LRBA: variants seen among roughly 807,000 people sequenced by gnomAD.
LRBA encodes the protein LPS responsive beige-like anchor protein.
In LRBA, 176 loss-of-function variants were observed where a neutral mutation model predicts 330.0. The observed-to-expected ratio is 0.53, with a 90% confidence interval of 0.47 to 0.60. The LOEUF is 0.60. Among genes scored for constraint, LRBA ranks in the 20% least tolerant of loss-of-function variants. The pLI is 0.00. For synonymous variants in LRBA, 1,230 were observed against 1,193.0 expected (o/e 1.03, Z -0.64); for missense variants, 3,259 against 3,444.8 (o/e 0.95, Z 1.35).
intron 29 of LRBA, among the ~76,000 whole-genome samples, chr4:150,829,999 C>T (rs556761792): frequency 6.6e-6 from 1 of 152,264 alleles, no homozygotes; most frequent in East Asian, 1.9e-4. Flanking sequence ...TTTTCTACCA[C>T]TAAAACATAT....
chr4:150,791,270 A>G (rs754359724), intron 34 of LRBA, among the ~76,000 whole-genome samples: 2 of 152,138 alleles, frequency 1.3e-5, no homozygotes, highest in Non-Finnish European at 2.9e-5. Flanking sequence ...TATTATTATC[A>G]CAAGGTACTC....
At chr4:150,950,146 C>A (rs750530162) in intron 2 of LRBA, among the ~76,000 whole-genome samples, 2 of 152,094 alleles carry the variant, frequency 1.3e-5, no homozygotes, top group Admixed American at 1.3e-4. Context: ...ACAGTAAATT[C>A]TGTCATGTTC....
chr4:150,694,913 C>CTT (rs902076458), intron 36 of LRBA, among the ~76,000 whole-genome samples: 3 of 150,866 alleles, frequency 2.0e-5, no homozygotes, highest in African/African-American at 7.3e-5. Context: ...GTTTCAAATG[C>CTT]TTTTTTTTTC....
At chr4:150,417,593 C>T (rs1050276772) in intron 46 of LRBA, among the ~76,000 whole-genome samples, 2 of 152,134 alleles carry the variant, frequency 1.3e-5, no homozygotes, top group Non-Finnish European at 2.9e-5. Flanking sequence ...AAGATAGTGT[C>T]CTTCTTTTGC....
chr4:150,895,012 A>C (rs1729908719), intron 16 of LRBA, among the ~76,000 whole-genome samples: 1 of 152,174 alleles, frequency 6.6e-6, no homozygotes, highest in African/African-American at 2.4e-5. Context: ...AAAGAGATCC[A>C]ATCATTATCC....
At chr4:150,453,463 C>A (rs907556231) in intron 44 of LRBA, among the ~76,000 whole-genome samples, 3 of 152,018 alleles carry the variant, frequency 2.0e-5, no homozygotes, top group African/African-American at 7.2e-5. Context: ...CTTCTACACA[C>A]AAAAAAATGA....
At chr4:150,967,831 G>C (rs1334834622) in intron 2 of LRBA, among the ~76,000 whole-genome samples, 1 of 152,086 alleles carries the variant, frequency 6.6e-6, no homozygotes, top group East Asian at 1.9e-4. Flanking sequence ...ATATAAGATA[G>C]TGAACTTAAT....
chr4:150,881,467 G>T (rs1268810943), intron 17 of LRBA, among the ~76,000 whole-genome samples: 1 of 152,002 alleles, frequency 6.6e-6, no homozygotes, highest in Non-Finnish European at 1.5e-5. Context: ...GCTAAATAAT[G>T]GGCACTCATA....
At chr4:150,807,077 T>G (rs972318333) in intron 32 of LRBA, among the ~76,000 whole-genome samples, 4 of 151,144 alleles carry the variant, frequency 2.6e-5, no homozygotes, top group African/African-American at 7.3e-5. Context: ...TATTCATGTA[T>G]ACATACACAG....
In LRBA at chr4:150,772,340, C is replaced by T. The variant is rs79038299; in HGVS notation, c.5581-10493G>A. Among the ~76,000 whole-genome samples the T allele has an allele frequency of 3.4e-3, 513 of 152,178 alleles. 3 individuals are homozygous for T. Among genetic ancestry groups the T allele is most frequent in the Non-Finnish European group, 4.8e-3 (326 of 68,008 alleles). On this transcript the variant is annotated intron_variant, in intron 34 of 56. Coordinates refer to ENST00000651943, the MANE Select transcript of LRBA (RefSeq NM_001364905.1). ...AGGACTCACCAAGAGACCATAGGTA[C>T]GGGCTGGCAAAGAGAAGGTAGTGTA...
At chr4:150,363,576 A>G (rs2151848045) in intron 47 of LRBA, among the ~76,000 whole-genome samples, 1 of 152,334 alleles carries the variant, frequency 6.6e-6, no homozygotes, top group African/African-American at 2.4e-5. Flanking sequence ...GGTACTATAT[A>G]CCATCTTTCT....
At chr4:150,866,809 A>G (rs576689333) in intron 22 of LRBA, among the ~76,000 whole-genome samples, 1 of 152,324 alleles carries the variant, frequency 6.6e-6, no homozygotes, top group Admixed American at 6.5e-5. Context: ...TCAAACAGTA[A>G]TAAGCACAAA....
At chr4:150,887,525 G>A (rs1729062993) in intron 17 of LRBA, among the ~76,000 whole-genome samples, 1 of 152,076 alleles carries the variant, frequency 6.6e-6, no homozygotes, top group South Asian at 2.1e-4. Context: ...TGTAATCCCA[G>A]CACTTTGGGA....
intron 53 of LRBA, among the ~76,000 whole-genome samples, chr4:150,298,278 C>CA (rs1729211312): frequency 6.6e-6 from 1 of 151,996 alleles, no homozygotes; most frequent in Admixed American, 6.6e-5. Context: ...CACACCTGGA[C>CA]ATGTTATGAT....
chr4:150,643,076 A>G (rs1410287759), intron 37 of LRBA, among the ~76,000 whole-genome samples: 3 of 151,888 alleles, frequency 2.0e-5, no homozygotes, highest in African/African-American at 7.2e-5. Context: ...CCCCTATTTT[A>G]TCCATTTCAA....
chr4:150,407,624 C>T (rs1746386223), intron 47 of LRBA, among the ~76,000 whole-genome samples: 1 of 152,140 alleles, frequency 6.6e-6, no homozygotes, highest in South Asian at 2.1e-4. Context: ...AGACCCAATG[C>T]TAGGTTGAAA....
At chr4:150,782,771 C>A (rs1738455210) in intron 34 of LRBA, among the ~76,000 whole-genome samples, 1 of 152,094 alleles carries the variant, frequency 6.6e-6, no homozygotes, top group African/African-American at 2.4e-5. Context: ...TGTTGGGGAG[C>A]CATGTCTCAG....
chr4:150,580,079 A>C, intron 40 of LRBA: 1 of 221,510 alleles, frequency 4.5e-6, no homozygotes, highest in Non-Finnish European at 9.1e-6. Flanking sequence ...ACAGGCGCGA[A>C]CTCCGAGGGC....
intron 54 of LRBA, among the ~76,000 whole-genome samples, chr4:150,283,155 CT>C (rs1053738678): frequency 6.6e-6 from 1 of 152,178 alleles, no homozygotes; most frequent in Admixed American, 6.5e-5. Context: ...CTGCTCACTA[CT>C]TTTTTTACAC....
Sources: allele counts gnomAD v4.1 joint callset (sites outside exome capture counted in the v4.1 genomes callset), GRCh38; gene constraint gnomAD v4.1.1; transcripts MANE v1.5; gene names NCBI Gene and HGNC (gene_info 2026-07-23, HGNC 2026-07-21).